The following HMGCL variants were observed in gnomAD, a reference collection of about 807,000 sequenced individuals.
HMGCL encodes hydroxymethylglutaryl-CoA lyase, mitochondrial.
Under a neutral mutation model 37.3 loss-of-function variants are expected in HMGCL, and 26 were observed. The observed-to-expected ratio is 0.70, with a 90% CI of 0.51 to 0.97. The LOEUF (loss-of-function observed/expected upper bound fraction) is 0.97, where lower values mean the gene tolerates loss of function less well. Ranked by LOEUF, HMGCL falls within the 50% of genes least tolerant of loss-of-function variation. HMGCL has a pLI of 0.00. For synonymous variants in HMGCL, 151 were observed against 148.0 expected (o/e 1.02, Z -0.15); for missense variants, 379 against 398.1 (o/e 0.95, Z 0.41).
intron 2 of HMGCL, among the ~76,000 whole-genome samples, chr1:23,819,145 CTATTAACACCCTGGTGTG>C (rs1415758297): frequency 6.6e-6 from 1 of 151,770 alleles, no homozygotes; most frequent in Non-Finnish European, 1.5e-5. Context: ...AGTGATAACG[CTATTAACACCCTGGTGTG>C]TAACTTTCTA....
At chr1:23,816,851 A>G (rs1570651991) in intron 3 of HMGCL, 81 bp from the exon 4 acceptor site, 4 of 854,610 alleles carry the variant, frequency 4.7e-6, no homozygotes, top group African/African-American at 1.7e-5. Flanking sequence ...TTCATCACAA[A>G]ACCTCTGTTC....
intron 7 of HMGCL, among the ~76,000 whole-genome samples, chr1:23,804,739 C>G (rs890361210): frequency 6.6e-6 from 1 of 152,140 alleles, no homozygotes; most frequent in African/African-American, 2.4e-5. Context: ...CAGTATCTTT[C>G]CTTTCATGGT....
chr1:23,805,836 G>A (rs1216979286), intron 7 of HMGCL, among the ~76,000 whole-genome samples: 1 of 152,102 alleles, frequency 6.6e-6, no homozygotes, highest in Non-Finnish European at 1.5e-5. Flanking sequence ...ATCCGGTCAC[G>A]CACCTCTGCC....
At position 23,815,539 on chromosome 1, in the gene HMGCL, A is replaced by G. The variant is rs149809256; in HGVS notation, c.348+1136T>C. Among the ~76,000 whole-genome samples the G allele has an allele frequency of 5.7e-4, 86 of 150,970 alleles. No individual in the cohort carries two copies. In the East Asian group the frequency reaches 0.014, roughly 25 times the overall value. ...GAGACAAAGTCTTGCTCTGTCACCC[A>G]GGCTGGAATGCAGTGGCATGATCTT... On this transcript the variant is annotated intron_variant, in intron 4 of 8. Transcript: ENST00000374490.
At chr1:23,813,189 C>A (rs1316632762) in intron 5 of HMGCL, among the ~76,000 whole-genome samples, 1 of 150,110 alleles carries the variant, frequency 6.7e-6, no homozygotes, top group Non-Finnish European at 1.5e-5. Context: ...CATGTTCAGC[C>A]CAGATGTGCA....
intron 6 of HMGCL, chr1:23,810,245 A>C (rs1290674887): frequency 5.5e-6 from 1 of 183,128 alleles, no homozygotes; most frequent in Non-Finnish European, 1.2e-5. Flanking sequence ...CAAGTTATTT[A>C]GTGTCAGTTT....
chr1:23,806,548 T>C lies in HMGCL; in HGVS notation c.750+1587A>G, dbSNP rs1638414131. The stretch of plus-strand genomic sequence containing the variant: ...CCTGCTAGGGATCCGCAGGGCTCAC[T>C]CCCTCGCTTCCCTCAGGTCTCTCTC... On this transcript the variant is annotated intron_variant, in intron 7 of 8. Coordinates refer to ENST00000374490, the MANE Select transcript of HMGCL (RefSeq NM_000191.3). The surrounding 1 kb of genome is among the most constrained non-coding windows in gnomAD (Gnocchi z 4.0). Among the ~76,000 whole-genome samples, 1 of 152,122 alleles carries C rather than the reference T, an allele frequency of 6.6e-6. No individual in the cohort carries two copies. The highest frequency in any genetic ancestry group is 1.5e-5 in the Non-Finnish European group (1 of 68,014).
intron 2 of HMGCL, among the ~76,000 whole-genome samples, chr1:23,817,932 C>T (rs562488694): frequency 8.5e-5 from 13 of 152,296 alleles, no homozygotes; most frequent in Non-Finnish European, 1.3e-4. Context: ...ATGTGTTCAG[C>T]GTATAGCTTC....
chr1:23,814,211 G>A lies in HMGCL; in HGVS notation c.476C>T (p.Ser159Leu), dbSNP rs764665830. 45 of 1,613,922 alleles carry A rather than the reference G, an allele frequency of 2.8e-5. No individual in the cohort carries two copies. Among genetic ancestry groups the A allele is most frequent in the Non-Finnish European group, 3.7e-5 (44 of 1,180,010 alleles). The part of the protein sequence containing the change: ...RFDAILKAAQ[S>L]ANISVRGYVS... ...TCACCCCCGCACAGAAATATTGGCT[G>A]ACTGCGCTGCCTTCAGGATTGCGTC... The change falls in exon 5 of 9, where the codon TCA (serine) becomes TTA (leucine). Residue 159 changes from serine (S) to leucine (L), a missense_variant. Physicochemically the swap from Ser to Leu is moderately radical, Grantham distance 145. Coordinates refer to ENST00000374490, the MANE Select transcript of HMGCL (RefSeq NM_000191.3).
rs146306707 is a variant in HMGCL at position 23,814,233 on chromosome 1, C to T, written c.454G>A (p.Ala152Thr). The T allele has an allele frequency of 2.0e-4, 327 of 1,613,926 alleles. 2 individuals carry two copies. The South Asian group carries it at 2.1e-3, about 10-fold the overall frequency. ...GCTGACTGCGCTGCCTTCAGGATTG[C>T]GTCAAACCTCTGAAAACTCTCCTCT... The part of the protein sequence containing the change: ...SIEESFQRFD[A>T]ILKAAQSANI... The change falls in exon 5 of 9, where the codon GCA becomes ACA. Residue 152 changes from alanine to threonine, a missense_variant. Ala to Thr is a moderately conservative substitution (Grantham distance 58). Coordinates refer to ENST00000374490, the MANE Select transcript of HMGCL (RefSeq NM_000191.3).
intron 2 of HMGCL, among the ~76,000 whole-genome samples, chr1:23,820,130 A>C (rs1638685889): frequency 6.6e-6 from 1 of 152,086 alleles, no homozygotes; most frequent in African/African-American, 2.4e-5. Flanking sequence ...ACCCCACCCC[A>C]CTGGGCTGTG....
intron 2 of HMGCL, among the ~76,000 whole-genome samples, chr1:23,819,008 A>T (rs1275187036): frequency 6.4e-5 from 2 of 31,350 alleles, no homozygotes; most frequent in Non-Finnish European, 1.2e-4. Context: ...GGACGTGCTA[A>T]AAAAAAAAAA....
At chr1:23,805,202 C>A (rs1453828406) in intron 7 of HMGCL, among the ~76,000 whole-genome samples, 2 of 152,112 alleles carry the variant, frequency 1.3e-5, no homozygotes, top group Non-Finnish European at 2.9e-5. Flanking sequence ...CAAGGCCAAC[C>A]CCTCCACCTT....
At chr1:23,811,951 A>C (rs1037649315) in intron 5 of HMGCL, among the ~76,000 whole-genome samples, 5 of 152,246 alleles carry the variant, frequency 3.3e-5, no homozygotes, top group African/African-American at 1.2e-4. Flanking sequence ...CTTATTCTCC[A>C]ACCACTGCTG....
intron 5 of HMGCL, 197 bp downstream of exon 5, chr1:23,813,993 C>A: frequency 1.5e-6 from 1 of 647,218 alleles, no homozygotes; most frequent in Admixed American, 2.4e-5. Flanking sequence ...GTAAACTGAC[C>A]CAAAATTCAG....
At chr1:23,822,104 G>A (rs1366029084) in intron 1 of HMGCL, among the ~76,000 whole-genome samples, 1 of 152,108 alleles carries the variant, frequency 6.6e-6, no homozygotes, top group Non-Finnish European at 1.5e-5. Flanking sequence ...ACCGTGTTTG[G>A]TACAAAGTAG....
At chr1:23,813,227 GTT>G (rs58260499) in intron 5 of HMGCL, among the ~76,000 whole-genome samples, 9 of 70,808 alleles carry the variant, frequency 1.3e-4, no homozygotes, top group African/African-American at 4.9e-4. Flanking sequence ...TGGCTGCAAT[GTT>G]TTTTTTTTTT....
At position 23,816,687 on chromosome 1, in the gene HMGCL, G is replaced by C. The variant is rs1280790585; in HGVS notation, c.336C>G (p.Gly112=). The change falls in exon 4 of 9, where the codon GGC becomes GGG. Residue 112 remains glycine (G), a synonymous_variant. Coordinates refer to ENST00000374490, the MANE Select transcript of HMGCL (RefSeq NM_000191.3). ...GCTATCCTCTTACCGCTGCCTCGAA[G>C]CCTTTCAAATTTGGGGTCAGGACTG... ...NYPVLTPNLK[G]FEAAVAAGAK... is the part of the protein sequence containing the mutation. 2 of 1,607,564 alleles carry C rather than the reference G, an allele frequency of 1.2e-6. No individual in the cohort carries two copies. The highest frequency in any genetic ancestry group is 1.7e-6 in the Non-Finnish European group (2 of 1,174,034).
chr1:23,816,515 G>A, intron 4 of HMGCL, 160 bp downstream of exon 4: 1 of 746,910 alleles, frequency 1.3e-6, no homozygotes, highest in South Asian at 1.4e-5. Context: ...CAAGATCACA[G>A]AGCAGTGAGT....
Sources: allele counts gnomAD v4.1 joint callset (sites outside exome capture counted in the v4.1 genomes callset), GRCh38; gene constraint gnomAD v4.1.1; non-coding constraint Gnocchi (gnomAD v3.1); transcripts MANE v1.5; gene names NCBI Gene and HGNC (gene_info 2026-07-23, HGNC 2026-07-21).